Variants in CDH13 observed in about 807,000 individuals in gnomAD.
CDH13 encodes the protein cadherin 13, also known as cadherin-13.
Under a neutral mutation model 63.8 loss-of-function variants are expected in CDH13, and 24 were observed. The ratio of observed to expected loss-of-function variants is 0.38; its 90% CI spans 0.27 to 0.53. The LOEUF (loss-of-function observed/expected upper bound fraction) is 0.53. Ranked by LOEUF, CDH13 falls within the 20% of genes least tolerant of loss-of-function variation. The pLI is 0.85. For synonymous variants in CDH13, 503 were observed against 355.3 expected, an observed-to-expected ratio of 1.42 and a Z score of -4.67; for missense variants, 1,049 against 903.1, an observed-to-expected ratio of 1.16 and a Z score of -2.07.
chr16:82,986,690 C>G (rs1175961748), intron 2 of CDH13, among the ~76,000 whole-genome samples: 1 of 152,168 alleles, frequency 6.6e-6, no homozygotes, highest in East Asian at 1.9e-4. Flanking sequence ...ATATCTCAAG[C>G]CTTTGCTTGA....
intron 6 of CDH13, among the ~76,000 whole-genome samples, chr16:83,475,215 CACGTTCATG>C (rs1209700184): frequency 1.3e-5 from 2 of 152,274 alleles, no homozygotes; most frequent in Non-Finnish European, 2.9e-5. Flanking sequence ...GTGCAGGTCA[CACGTTCATG>C]AAGTCCACCT....
chr16:83,403,513 C>G (rs1446329889), intron 6 of CDH13, among the ~76,000 whole-genome samples: 1 of 152,072 alleles, frequency 6.6e-6, no homozygotes, highest in Non-Finnish European at 1.5e-5. Context: ...GTCCCAGCCA[C>G]TCAGGAGGCT....
chr16:82,945,991 C>T (rs530286965), intron 2 of CDH13, among the ~76,000 whole-genome samples: 20 of 152,080 alleles, frequency 1.3e-4, no homozygotes, highest in South Asian at 2.1e-4. Flanking sequence ...TTTGTCCTTC[C>T]GTATGTTTTG....
intron 1 of CDH13, among the ~76,000 whole-genome samples, chr16:82,779,002 T>C (rs2035627171): frequency 6.6e-6 from 1 of 152,132 alleles, no homozygotes; most frequent in Non-Finnish European, 1.5e-5. Context: ...ATGGAAGAAT[T>C]GAGATCCCGG....
intron 6 of CDH13, among the ~76,000 whole-genome samples, chr16:83,352,420 A>C (rs1372184791): frequency 6.6e-6 from 1 of 152,166 alleles, no homozygotes; most frequent in Non-Finnish European, 1.5e-5. Flanking sequence ...GTTCTCAAAA[A>C]ACTTAGAATA....
At chr16:83,664,349 G>A (rs550553717) in intron 8 of CDH13, among the ~76,000 whole-genome samples, 3 of 152,198 alleles carry the variant, frequency 2.0e-5, no homozygotes, top group African/African-American at 4.8e-5. Context: ...ACAGACCATA[G>A]TTCTTAGGCA....
intron 1 of CDH13, among the ~76,000 whole-genome samples, chr16:82,763,226 A>G (rs1222502594): frequency 6.6e-6 from 1 of 152,202 alleles, no homozygotes; most frequent in East Asian, 1.9e-4. Context: ...CTCTTTTTGC[A>G]CAGGTTACCC....
At chr16:83,288,938 A>G (rs889728) in intron 5 of CDH13, among the ~76,000 whole-genome samples, 151,078 of 152,340 alleles carry the variant, frequency 0.99, 74,932 homozygotes, top group Middle Eastern at 1. Context: ...GATGTCACTT[A>G]TATTGCAGGA....
intron 11 of CDH13, among the ~76,000 whole-genome samples, chr16:83,775,371 C>T (rs1915036979): frequency 6.6e-6 from 1 of 150,492 alleles, no homozygotes; most frequent in Non-Finnish European, 1.5e-5. Context: ...ACCTCCCAAC[C>T]ACGTTGAAGA....
chr16:82,977,807 A>G (rs1431911220), intron 2 of CDH13, among the ~76,000 whole-genome samples: 1 of 152,164 alleles, frequency 6.6e-6, no homozygotes, highest in Non-Finnish European at 1.5e-5. Context: ...AACAGTTTGG[A>G]GGGCTCAGAA....
rs896285440 is a variant in CDH13 at position 83,277,690 on chromosome 16, G to A, written c.636+60193G>A. Among the ~76,000 whole-genome samples, 5 of 152,052 alleles carry A rather than the reference G, an allele frequency of 3.3e-5. No homozygotes were observed. The East Asian group carries it at 5.8e-4, about 18-fold the overall frequency. On this transcript the variant is annotated intron_variant, in intron 5 of 13. Coordinates refer to ENST00000567109, the MANE Select transcript of CDH13 (RefSeq NM_001257.5). ...AAAGTAGCAGATAAGAGAATCCAGC[G>A]GATTCCCTTAAGTCAAACGTGAAAG...
chr16:83,408,970 G>A (rs1008255036), intron 6 of CDH13, among the ~76,000 whole-genome samples: 5 of 152,188 alleles, frequency 3.3e-5, no homozygotes, highest in Non-Finnish European at 5.9e-5. Flanking sequence ...GAAGATTGGT[G>A]TCTGCTTTTC....
At position 83,184,717 on chromosome 16, in the gene CDH13, T is replaced by C. The variant is rs113188301; in HGVS notation, c.484-32628T>C. Among the ~76,000 whole-genome samples the C allele has an allele frequency of 6.0e-3, 913 of 152,262 alleles. 6 individuals carry two copies. The highest frequency in any genetic ancestry group is 0.021 in the African/African-American group (871 of 41,548). ...TTGCAGTGAGCTGAGATCATGCCAT[T>C]GCACTCCAGCCTGAGCAACAGAGCG... On this transcript the variant is annotated intron_variant, in intron 4 of 13. Transcript: ENST00000567109.
intron 5 of CDH13, among the ~76,000 whole-genome samples, chr16:83,260,023 G>A (rs1025397180): frequency 6.7e-6 from 1 of 149,878 alleles, no homozygotes; most frequent in African/African-American, 2.5e-5. Flanking sequence ...AGTCAAAGAT[G>A]AGGACTTTCA....
At position 83,797,556 on chromosome 16, in the gene CDH13, T is replaced by C. The variant is rs537953953; in HGVS notation, c.*2526T>C. ...AAAAAGGAAAATAAACCAATTCTTA[T>C]AGGCCAAAGTGGTAGCATTTCCTGA... On this transcript the variant is annotated 3_prime_UTR_variant, in exon 14 of 14. Coordinates refer to ENST00000567109, the MANE Select transcript of CDH13 (RefSeq NM_001257.5). 43 of 152,374 alleles carry C rather than the reference T, an allele frequency of 2.8e-4. No homozygotes were observed. Among genetic ancestry groups the C allele is most frequent in the African/African-American group, 1.0e-3 (43 of 41,596 alleles). 9.4% of individuals were successfully genotyped at this position (152,374 alleles called of 1,614,324 possible).
At chr16:83,095,531 A>T (rs1275843760) in intron 3 of CDH13, among the ~76,000 whole-genome samples, 1 of 152,182 alleles carries the variant, frequency 6.6e-6, no homozygotes, top group Non-Finnish European at 1.5e-5. Context: ...TATAATGCAA[A>T]TATCACGTTA....
chr16:83,175,827 T>A (rs1433642378), intron 4 of CDH13, among the ~76,000 whole-genome samples: 2 of 100,180 alleles, frequency 2.0e-5, no homozygotes, highest in African/African-American at 7.3e-5. Context: ...CCTGCTTTTT[T>A]TTTTTTTTTT....
At chr16:82,627,459 G>A (rs769459736) in intron 1 of CDH13, among the ~76,000 whole-genome samples, 3 of 152,022 alleles carry the variant, frequency 2.0e-5, no homozygotes, top group Non-Finnish European at 4.4e-5. Context: ...CACATCAAGT[G>A]GGGTAACTTT....
chr16:83,491,632 T>C (rs1415977235), intron 7 of CDH13, among the ~76,000 whole-genome samples: 1 of 152,014 alleles, frequency 6.6e-6, no homozygotes, highest in Non-Finnish European at 1.5e-5. Context: ...AAAGCAATCT[T>C]AACATTTGCA....
Sources: allele counts gnomAD v4.1 joint callset (sites outside exome capture counted in the v4.1 genomes callset), GRCh38; gene constraint gnomAD v4.1.1; transcripts MANE v1.5; gene names NCBI Gene and HGNC (gene_info 2026-07-23, HGNC 2026-07-21).